The following PCDH7 variants were observed in gnomAD, a reference collection of about 807,000 sequenced individuals.
PCDH7 encodes protocadherin 7.
A neutral mutation model predicts 58.9 loss-of-function variants in PCDH7; 17 were observed. That is an observed-to-expected ratio of 0.29 (90% CI 0.20 to 0.43). PCDH7 has a LOEUF of 0.43. PCDH7 is among the 20% of genes least tolerant of loss of function. The pLI is 1.00. For synonymous variants in PCDH7, 664 were observed against 616.4 expected, an observed-to-expected ratio of 1.08 and a Z score of -1.14; for missense variants, 1,274 against 1,441.0, an observed-to-expected ratio of 0.88 and a Z score of 1.88.
At chr4:31,123,111 C>T (rs1042652059) in intron 3 of PCDH7, among the ~76,000 whole-genome samples, 1 of 151,806 alleles carries the variant, frequency 6.6e-6, no homozygotes, top group African/African-American at 2.4e-5. Context: ...CCTTTTTAAG[C>T]CACTTTTCTG....
intron 1 of PCDH7, among the ~76,000 whole-genome samples, chr4:30,758,988 C>T (rs1719684201): frequency 7.3e-6 from 1 of 137,896 alleles, no homozygotes; most frequent in Non-Finnish European, 1.5e-5. Context: ...GTCACCCAGG[C>T]TGGAGTGCAG....
At chr4:31,005,604 T>C (rs1752705770) in intron 3 of PCDH7, among the ~76,000 whole-genome samples, 1 of 152,198 alleles carries the variant, frequency 6.6e-6, no homozygotes, top group African/African-American at 2.4e-5. Context: ...TATAACACTT[T>C]TTCTCCCTGT....
chr4:30,806,150 T>C (rs1259767928), intron 1 of PCDH7, among the ~76,000 whole-genome samples: 1 of 152,162 alleles, frequency 6.6e-6, no homozygotes, highest in Non-Finnish European at 1.5e-5. Flanking sequence ...AATCCTTCAG[T>C]GGCTGTTGAT....
chr4:30,982,920 A>C (rs907354541), intron 3 of PCDH7, among the ~76,000 whole-genome samples: 3 of 152,256 alleles, frequency 2.0e-5, no homozygotes, highest in Non-Finnish European at 4.4e-5. Context: ...AAAAATTTAA[A>C]GAAAAATATT....
intron 3 of PCDH7, among the ~76,000 whole-genome samples, chr4:31,089,080 C>T (rs1231476029): frequency 6.6e-6 from 1 of 151,928 alleles, no homozygotes; most frequent in Non-Finnish European, 1.5e-5. Context: ...TAGCTAAGAG[C>T]ACCACTTGTT....
intron 2 of PCDH7, among the ~76,000 whole-genome samples, chr4:30,941,115 A>C (rs1232481019): frequency 6.6e-6 from 1 of 151,960 alleles, no homozygotes; most frequent in Admixed American, 6.6e-5. Flanking sequence ...AATTTTAAAA[A>C]AATTTTAGTA....
At chr4:30,891,484 A>T (rs2109383679) in intron 1 of PCDH7, among the ~76,000 whole-genome samples, 1 of 152,174 alleles carries the variant, frequency 6.6e-6, no homozygotes, top group African/African-American at 2.4e-5. Context: ...TAATTAGGAT[A>T]CCAGGTTACA....
At chr4:30,877,552 G>T (rs570295172) in intron 1 of PCDH7, among the ~76,000 whole-genome samples, 1 of 152,298 alleles carries the variant, frequency 6.6e-6, no homozygotes, top group South Asian at 2.1e-4. Context: ...GGTCTAGACA[G>T]ATCACCTATC....
intron 3 of PCDH7, among the ~76,000 whole-genome samples, chr4:30,997,660 T>C (rs1752023044): frequency 6.6e-6 from 1 of 152,186 alleles, no homozygotes; most frequent in African/African-American, 2.4e-5. Context: ...CACAATTTTT[T>C]TTCCTAAAAT....
chr4:30,762,186 G>A (rs888319703), intron 1 of PCDH7, among the ~76,000 whole-genome samples: 1 of 152,102 alleles, frequency 6.6e-6, no homozygotes, highest in Non-Finnish European at 1.5e-5. Context: ...TATAAAAGCT[G>A]TGTGTTATTA....
rs16884122 is a variant in PCDH7, at chr4:30,816,944, A to G, written c.70+92348A>G. Among the ~76,000 whole-genome samples the G allele has an allele frequency of 9.2e-3, 1,404 of 152,310 alleles. 12 individuals carry two copies. Among genetic ancestry groups the G allele is most frequent in the South Asian group, 0.015 (72 of 4,828 alleles). ...TCAGCTGGCTTCATTATGAGTTAGCATAGTATCTATTCTTGCATCACTTTG... is the reference window on the plus strand; with the variant it reads ...TCAGCTGGCTTCATTATGAGTTAGCGTAGTATCTATTCTTGCATCACTTTG... On this transcript the variant is annotated intron_variant, in intron 1 of 3. Coordinates refer to the PCDH7 transcript ENST00000509759.
At chr4:31,075,228 C>A (rs1758888410) in intron 3 of PCDH7, among the ~76,000 whole-genome samples, 1 of 152,054 alleles carries the variant, frequency 6.6e-6, no homozygotes, top group African/African-American at 2.4e-5. Context: ...ATGACCTTTG[C>A]ATTTGCCTGA....
At chr4:30,911,379 G>A (rs1203382729) in intron 1 of PCDH7, among the ~76,000 whole-genome samples, 1 of 140,506 alleles carries the variant, frequency 7.1e-6, no homozygotes, top group Non-Finnish European at 1.5e-5. Context: ...ATTTACAGAT[G>A]TTCTATGGCT....
chr4:30,724,414 T>C, exon 1 of PCDH7: 1 of 1,613,946 alleles, frequency 6.2e-7, no homozygotes, highest in Non-Finnish European at 8.5e-7. Context: ...GCATTACAAA[T>C]CTAGTTCCCC....
At chr4:30,795,598 G>T (rs1226687750) in intron 1 of PCDH7, among the ~76,000 whole-genome samples, 1 of 152,126 alleles carries the variant, frequency 6.6e-6, no homozygotes, top group Non-Finnish European at 1.5e-5. Flanking sequence ...TTTTCCAAAG[G>T]TCTTACACCA....
At chr4:31,051,834 G>GTC (rs66792126) in intron 3 of PCDH7, among the ~76,000 whole-genome samples, 1 of 119,506 alleles carries the variant, frequency 8.4e-6, no homozygotes, top group East Asian at 4.9e-4. Flanking sequence ...GGGTGTGTGT[G>GTC]GGGGGCGGGT....
At chr4:30,881,270 T>C (rs561744440) in intron 1 of PCDH7, among the ~76,000 whole-genome samples, 1 of 152,004 alleles carries the variant, frequency 6.6e-6, no homozygotes, top group South Asian at 2.1e-4. Flanking sequence ...TCAAACTGCT[T>C]GAACCCAGGA....
chr4:30,967,327 G>C (rs1356475136), intron 3 of PCDH7, among the ~76,000 whole-genome samples: 1 of 152,084 alleles, frequency 6.6e-6, no homozygotes, highest in East Asian at 1.9e-4. Context: ...CTAATAGCTA[G>C]CAATAGATAG....
At chr4:30,913,178 A>G (rs1742005624) in intron 1 of PCDH7, among the ~76,000 whole-genome samples, 1 of 151,784 alleles carries the variant, frequency 6.6e-6, no homozygotes. Context: ...TAATAATATA[A>G]TATTGATAAC....
Sources: allele counts gnomAD v4.1 joint callset (sites outside exome capture counted in the v4.1 genomes callset), GRCh38; gene constraint gnomAD v4.1.1; transcripts MANE v1.5; gene names NCBI Gene and HGNC (gene_info 2026-07-23, HGNC 2026-07-21).